Variants in LYRM4 observed in about 807,000 individuals in gnomAD.
LYRM4 encodes LYR motif-containing protein 4.
Under a neutral mutation model 11.7 loss-of-function variants are expected in LYRM4, and 9 were observed. The ratio of observed to expected loss-of-function variants is 0.77; its 90% CI spans 0.46 to 1.34. LYRM4 has a LOEUF of 1.34. LYRM4 is among the 40% of genes most tolerant of loss of function. The pLI, the probability that LYRM4 is intolerant of heterozygous loss-of-function variation, is 0.00. For missense variants in LYRM4, 133 were observed against 112.5 expected (o/e 1.18, Z -0.82); for synonymous variants, 42 against 40.4 (o/e 1.04, Z -0.15).
At chr6:5,179,469 T>C (rs1759946016) in intron 2 of LYRM4, among the ~76,000 whole-genome samples, 1 of 152,186 alleles carries the variant, frequency 6.6e-6, no homozygotes, top group Non-Finnish European at 1.5e-5. Flanking sequence ...CCATTCTACT[T>C]TCTATCTCTA....
chr6:5,104,301 G>T (rs1334626349), downstream of LYRM4: 4 of 151,426 alleles, frequency 2.6e-5, no homozygotes, highest in African/African-American at 7.3e-5. Flanking sequence ...TTTAGACAGG[G>T]TATCACTCTG....
the LYRM4 span, among the ~76,000 whole-genome samples, chr6:5,080,670 C>T: frequency 0.74 from 112,295 of 152,120 alleles, 41,810 homozygotes; most frequent in East Asian, 0.9. Context: ...AAGGCAGTGC[C>T]GGAACCAATT....
chr6:5,227,494 A>G (rs1762961389), intron 1 of LYRM4, among the ~76,000 whole-genome samples: 1 of 152,168 alleles, frequency 6.6e-6, no homozygotes, highest in Non-Finnish European at 1.5e-5. Context: ...GCATAGGAAC[A>G]CCAGAAATAG....
At chr6:5,213,731 A>G (rs1004977288) in intron 2 of LYRM4, among the ~76,000 whole-genome samples, 17 of 152,194 alleles carry the variant, frequency 1.1e-4, no homozygotes, top group Non-Finnish European at 2.4e-4. Flanking sequence ...AGACCCTGCC[A>G]CTGAGATGTA....
chr6:5,152,577 C>T (rs183985994), intron 2 of LYRM4, among the ~76,000 whole-genome samples: 125 of 152,322 alleles, frequency 8.2e-4, no homozygotes, highest in African/African-American at 2.9e-3. Flanking sequence ...GCCCCAGCTG[C>T]GTGTCTGTCT....
intron 2 of LYRM4, among the ~76,000 whole-genome samples, chr6:5,160,412 G>C (rs1314055217): frequency 6.6e-6 from 1 of 152,236 alleles, no homozygotes; most frequent in Middle Eastern, 3.4e-3. Flanking sequence ...CACGTGTGGT[G>C]GGAGGGACCT....
At chr6:5,171,266 C>T (rs4959333) in intron 2 of LYRM4, among the ~76,000 whole-genome samples, 2 of 151,998 alleles carry the variant, frequency 1.3e-5, no homozygotes, top group African/African-American at 4.8e-5. Context: ...CCCTAGTCAT[C>T]CATCTACGTT....
At chr6:5,032,470 T>C in the LYRM4 span, 3 of 152,366 alleles carry the variant, frequency 2.0e-5, no homozygotes, top group East Asian at 3.9e-4. Flanking sequence ...ACTTATTGTT[T>C]ACAGCAAAAT....
At chr6:5,145,643 G>C (rs777958559) in intron 2 of LYRM4, among the ~76,000 whole-genome samples, 2 of 152,126 alleles carry the variant, frequency 1.3e-5, no homozygotes, top group Non-Finnish European at 2.9e-5. Context: ...AGGCTGCCAG[G>C]GAGGAGAAAA....
At chr6:5,172,978 T>A (rs1336992753) in intron 2 of LYRM4, among the ~76,000 whole-genome samples, 2 of 152,146 alleles carry the variant, frequency 1.3e-5, no homozygotes, top group African/African-American at 4.8e-5. Context: ...TGCCAATAAA[T>A]CCATTTTCTA....
intron 2 of LYRM4, among the ~76,000 whole-genome samples, chr6:5,179,065 C>CAAAAAAAA (rs58749743): frequency 7.1e-3 from 733 of 103,124 alleles, no homozygotes; most frequent in African/African-American, 0.011. Flanking sequence ...ACCAAAAAAA[C>CAAAAAAAA]AAAAAAAAAA....
chr6:5,180,632 C>T (rs1038475096), intron 2 of LYRM4, among the ~76,000 whole-genome samples: 12 of 152,230 alleles, frequency 7.9e-5, no homozygotes, highest in Non-Finnish European at 1.8e-4. Flanking sequence ...ATCTCTGGTT[C>T]GTTGGTTCCT....
chr6:5,252,116 A>G (rs1421317983), intron 1 of LYRM4, among the ~76,000 whole-genome samples: 2 of 152,212 alleles, frequency 1.3e-5, no homozygotes, highest in Non-Finnish European at 2.9e-5. Context: ...TTTACCACTC[A>G]TGAAACTAGG....
intron 2 of LYRM4, chr6:5,138,869 A>G: frequency 1.6e-6 from 1 of 632,564 alleles, no homozygotes; most frequent in Non-Finnish European, 2.7e-6. Flanking sequence ...AAATGAGATT[A>G]ATCCTTTAGA....
chr6:5,235,456 A>AT (rs1266209257), intron 1 of LYRM4, among the ~76,000 whole-genome samples: 5 of 152,058 alleles, frequency 3.3e-5, no homozygotes, highest in Admixed American at 6.5e-5. Context: ...TACAGTATTC[A>AT]TTTTTTTTAA....
chr6:5,146,395 T>TA (rs1757724224), intron 2 of LYRM4, among the ~76,000 whole-genome samples: 2 of 152,198 alleles, frequency 1.3e-5, no homozygotes, highest in Non-Finnish European at 2.9e-5. Flanking sequence ...TCATTTTTTT[T>TA]ATTGGTGAAA....
the LYRM4 span, among the ~76,000 whole-genome samples, chr6:5,053,608 AC>A: frequency 6.6e-6 from 1 of 151,756 alleles, no homozygotes; most frequent in African/African-American, 2.4e-5. Context: ...AGCCTGGGTG[AC>A]AGAATGAAAT....
chr6:5,209,606 A>G (rs1215406123), intron 2 of LYRM4, among the ~76,000 whole-genome samples: 1 of 152,218 alleles, frequency 6.6e-6, no homozygotes, highest in African/African-American at 2.4e-5. Flanking sequence ...AGGTCCCTGA[A>G]GAGTCAAAAT....
intron 2 of LYRM4, among the ~76,000 whole-genome samples, chr6:5,210,616 C>A (rs955446987): frequency 2.0e-5 from 3 of 152,122 alleles, no homozygotes; most frequent in African/African-American, 7.2e-5. Context: ...TGAAACATGA[C>A]CAGAACTTTT....
Sources: gnomAD v4.1 joint callset for allele counts (sites outside exome capture counted in the v4.1 genomes callset) on GRCh38, gnomAD v4.1.1 for gene constraint, MANE v1.5 for transcripts, NCBI Gene and HGNC (gene_info 2026-07-23, HGNC 2026-07-21) for gene names.